The following SNX13 variants were observed in gnomAD, a reference collection of about 807,000 sequenced individuals.
SNX13 encodes the protein sorting nexin 13.
SNX13 carries 45 observed loss-of-function variants against 133.6 expected under a neutral mutation model. The observed-to-expected ratio is 0.34, with a 90% CI of 0.27 to 0.43. The LOEUF (loss-of-function observed/expected upper bound fraction) is 0.43, where lower values mean the gene tolerates loss of function less well. Among genes scored for constraint, SNX13 ranks in the 20% least tolerant of loss-of-function variants. The pLI is 1.00. For missense variants in SNX13, 1,032 were observed against 1,145.1 expected, an observed-to-expected ratio of 0.90 and a Z score of 1.43; for synonymous variants, 414 against 373.9, an observed-to-expected ratio of 1.11 and a Z score of -1.24.
At chr7:17,883,366 T>A (rs1795591570) in intron 5 of SNX13, among the ~76,000 whole-genome samples, 1 of 152,222 alleles carries the variant, frequency 6.6e-6, no homozygotes, top group African/African-American at 2.4e-5. Flanking sequence ...GCACATCTTC[T>A]TAAGTATGTT....
At chr7:17,926,168 G>A (rs538445725) in intron 1 of SNX13, among the ~76,000 whole-genome samples, 1 of 152,144 alleles carries the variant, frequency 6.6e-6, no homozygotes, top group African/African-American at 2.4e-5. Flanking sequence ...AGAAAGTAGA[G>A]AGAAAGCAAA....
chr7:17,831,838 T>C, intron 15 of SNX13: 3 of 983,284 alleles, frequency 3.1e-6, no homozygotes, highest in Non-Finnish European at 3.6e-6. Context: ...AAAAGAAGTA[T>C]ATCAGAAGCA....
At chr7:17,868,342 C>G in intron 9 of SNX13, 65 bp downstream of exon 9, 1 of 1,188,788 alleles carries the variant, frequency 8.4e-7, no homozygotes, top group Non-Finnish European at 1.2e-6. Context: ...CCCTATCTCC[C>G]AACTATATTT....
At chr7:17,807,702 C>T (rs1175436577) in intron 20 of SNX13, among the ~76,000 whole-genome samples, 1 of 152,160 alleles carries the variant, frequency 6.6e-6, no homozygotes, top group East Asian at 1.9e-4. Context: ...CGACAGACAC[C>T]TCATACAGGA....
At chr7:17,883,212 A>G (rs1795573633) in intron 5 of SNX13, among the ~76,000 whole-genome samples, 1 of 152,200 alleles carries the variant, frequency 6.6e-6, no homozygotes, top group African/African-American at 2.4e-5. Flanking sequence ...GATGTTCTGA[A>G]GGACTTAGAT....
At chr7:17,802,872 T>A (rs908330464) in intron 21 of SNX13, among the ~76,000 whole-genome samples, 3 of 151,276 alleles carry the variant, frequency 2.0e-5, no homozygotes, top group Admixed American at 1.3e-4. Flanking sequence ...AGTACCTTTA[T>A]GTGTTAATGT....
chr7:17,890,320 T>C lies in SNX13; in HGVS notation c.440+43A>G, dbSNP rs371082496. ...TTGTTTTCCTTACTGGTACAAACCA[T>C]ACATCTAAATTTTTCTGCATAAATA... On this transcript the variant is annotated intron_variant, in intron 5 of 25. Coordinates refer to ENST00000428135, the MANE Select transcript of SNX13 (RefSeq NM_015132.5). The C allele has an allele frequency of 7.2e-5, 114 of 1,588,008 alleles. No individual in the cohort carries two copies. The African/African-American group carries it at 1.4e-3, about 20-fold the overall frequency.
chr7:17,940,409 T>C lies in SNX13; in HGVS notation c.-114A>G. 2 of 1,258,860 alleles carry C rather than the reference T, an allele frequency of 1.6e-6. No homozygotes were observed. Among genetic ancestry groups the C allele is most frequent in the Non-Finnish European group, 2.3e-6 (2 of 886,028 alleles). 78.0% of individuals were successfully genotyped at this position (1,258,860 alleles called of 1,614,324 possible). On this transcript the variant is annotated 5_prime_UTR_variant, in exon 1 of 26. Coordinates refer to ENST00000428135, the MANE Select transcript of SNX13 (RefSeq NM_015132.5). ...ACGGCGGCAACTGCTCCTTCAGTCT[T>C]CTCCCGGGCGGCGGTTTTACTCGGC... is the stretch of plus-strand genomic sequence containing the variant.
chr7:17,851,025 A>G, intron 9 of SNX13, 61 bp from the exon 10 acceptor site: 1 of 1,506,218 alleles, frequency 6.6e-7, no homozygotes, highest in Non-Finnish European at 9.0e-7. Flanking sequence ...AGGAAAACTG[A>G]ATCTTGAGTG....
At chr7:17,854,058 T>C (rs1791580545) in intron 9 of SNX13, among the ~76,000 whole-genome samples, 1 of 152,172 alleles carries the variant, frequency 6.6e-6, no homozygotes, top group Non-Finnish European at 1.5e-5. Context: ...AATTTGTACC[T>C]ACAAAAAAGA....
chr7:17,892,110 G>C (rs546063453), intron 3 of SNX13, among the ~76,000 whole-genome samples: 15 of 151,956 alleles, frequency 9.9e-5, no homozygotes, highest in Non-Finnish European at 8.8e-5. Context: ...TGTTCAGAAA[G>C]ATCAGTGGCC....
At chr7:17,922,689 C>T (rs1431968759) in intron 1 of SNX13, among the ~76,000 whole-genome samples, 2 of 151,970 alleles carry the variant, frequency 1.3e-5, no homozygotes, top group Non-Finnish European at 2.9e-5. Context: ...TGGGCAACTA[C>T]TATCTTCAGA....
intron 9 of SNX13, 93 bp from the exon 10 acceptor site, chr7:17,851,057 T>C: frequency 2.3e-6 from 3 of 1,303,056 alleles, no homozygotes; most frequent in Non-Finnish European, 3.1e-6. Context: ...CTAGGACAAT[T>C]TGCTACATAC....
chr7:17,795,161 T>C (rs888277675), intron 25 of SNX13: 1 of 151,708 alleles, frequency 6.6e-6, no homozygotes, highest in African/African-American at 2.4e-5. Context: ...AAACCGATGG[T>C]GCTGTGACTA....
chr7:17,803,025 G>A (rs1394824719), intron 21 of SNX13, among the ~76,000 whole-genome samples: 1 of 152,072 alleles, frequency 6.6e-6, no homozygotes, highest in Non-Finnish European at 1.5e-5. Flanking sequence ...TAAATCAGGA[G>A]AAATAAGACT....
At chr7:17,859,556 T>C (rs1448642482) in intron 9 of SNX13, among the ~76,000 whole-genome samples, 1 of 152,094 alleles carries the variant, frequency 6.6e-6, no homozygotes, top group African/African-American at 2.4e-5. Flanking sequence ...AACATAAAAT[T>C]TATCACCTTA....
chr7:17,846,817 C>A (rs1354299918), intron 11 of SNX13, among the ~76,000 whole-genome samples: 2 of 152,150 alleles, frequency 1.3e-5, no homozygotes, highest in South Asian at 2.1e-4. Context: ...AATTGTATCA[C>A]CTCTTTCTCC....
At chr7:17,886,056 T>C (rs971628591) in intron 5 of SNX13, among the ~76,000 whole-genome samples, 3 of 152,188 alleles carry the variant, frequency 2.0e-5, no homozygotes, top group African/African-American at 7.2e-5. Flanking sequence ...TTGAGTTTTG[T>C]TTGCCTTTTA....
chr7:17,839,043 T>C (rs1789526194), intron 13 of SNX13, among the ~76,000 whole-genome samples: 1 of 148,088 alleles, frequency 6.8e-6, no homozygotes, highest in Non-Finnish European at 1.5e-5. Flanking sequence ...ATTATTACAA[T>C]ATTATTAGAT....
Sources: gnomAD v4.1 joint callset for allele counts (sites outside exome capture counted in the v4.1 genomes callset) on GRCh38, gnomAD v4.1.1 for gene constraint, MANE v1.5 for transcripts, NCBI Gene and HGNC (gene_info 2026-07-23, HGNC 2026-07-21) for gene names.